Variants in HPSE2 observed in about 807,000 individuals in gnomAD.
The protein encoded by HPSE2 is heparanase 2 (inactive), also known as inactive heparanase-2.
Under a neutral mutation model 60.5 loss-of-function variants are expected in HPSE2, and 38 were observed. That is an observed-to-expected ratio of 0.63 (90% CI 0.48 to 0.82). The LOEUF (loss-of-function observed/expected upper bound fraction) is 0.82, where lower values mean the gene tolerates loss of function less well. Among genes scored for constraint, HPSE2 ranks in the 40% least tolerant of loss-of-function variants. The pLI is 0.00. For missense variants in HPSE2, 713 were observed against 740.4 expected (o/e 0.96, Z 0.43); for synonymous variants, 295 against 293.2 (o/e 1.01, Z -0.06).
At chr10:98,598,703 G>A (rs866717116) in intron 9 of HPSE2, among the ~76,000 whole-genome samples, 76 of 152,052 alleles carry the variant, frequency 5.0e-4, no homozygotes, top group African/African-American at 1.8e-3. Flanking sequence ...GGCCCACAGG[G>A]GCTGGCCTGG....
At chr10:98,465,736 C>G (rs1299155519) in intron 11 of HPSE2, among the ~76,000 whole-genome samples, 1 of 152,166 alleles carries the variant, frequency 6.6e-6, no homozygotes, top group Admixed American at 6.5e-5. Flanking sequence ...CTGAGACCTC[C>G]TAAATGGCTC....
At chr10:98,980,522 G>A (rs2135297507) in intron 3 of HPSE2, among the ~76,000 whole-genome samples, 1 of 152,266 alleles carries the variant, frequency 6.6e-6, no homozygotes, top group South Asian at 2.1e-4. Context: ...GAAAACAGAA[G>A]TGTAGTACAG....
At chr10:98,888,677 C>T (rs1410780654) in intron 3 of HPSE2, among the ~76,000 whole-genome samples, 1 of 152,102 alleles carries the variant, frequency 6.6e-6, no homozygotes, top group Non-Finnish European at 1.5e-5. Flanking sequence ...AACTGGCTGG[C>T]ATAAAGACAC....
intron 3 of HPSE2, among the ~76,000 whole-genome samples, chr10:98,866,726 A>G (rs1952596186): frequency 6.6e-6 from 1 of 151,912 alleles, no homozygotes; most frequent in African/African-American, 2.4e-5. Context: ...CTTAAAGAAT[A>G]AAACAAACAA....
intron 9 of HPSE2, among the ~76,000 whole-genome samples, chr10:98,592,020 T>G (rs1225282642): frequency 6.6e-6 from 1 of 152,164 alleles, no homozygotes; most frequent in Admixed American, 6.5e-5. Flanking sequence ...TTCAAACAGA[T>G]TGTGTCCTTC....
chr10:99,077,232 G>A (rs939084702), intron 3 of HPSE2, among the ~76,000 whole-genome samples: 9 of 152,214 alleles, frequency 5.9e-5, no homozygotes, highest in African/African-American at 1.9e-4. Flanking sequence ...AGGGCTCCTG[G>A]ATCTGGATGT....
At chr10:99,228,011 GA>G (rs1849530431) in intron 2 of HPSE2, among the ~76,000 whole-genome samples, 2 of 151,746 alleles carry the variant, frequency 1.3e-5, no homozygotes, top group Admixed American at 1.3e-4. Flanking sequence ...GATCACTGTG[GA>G]ATGACCTGTT....
At chr10:98,964,707 T>C (rs1168151462) in intron 3 of HPSE2, among the ~76,000 whole-genome samples, 16 of 152,192 alleles carry the variant, frequency 1.1e-4, no homozygotes, top group Non-Finnish European at 1.2e-4. Flanking sequence ...ACCTCTTTTA[T>C]AGTCAACTAT....
chr10:98,494,953 T>C (rs1941780903), intron 9 of HPSE2, among the ~76,000 whole-genome samples: 1 of 152,206 alleles, frequency 6.6e-6, no homozygotes, highest in African/African-American at 2.4e-5. Flanking sequence ...GTATATTTGC[T>C]CATATACTTA....
At chr10:99,054,742 G>T (rs574746759) in intron 3 of HPSE2, among the ~76,000 whole-genome samples, 5 of 152,094 alleles carry the variant, frequency 3.3e-5, no homozygotes, top group Non-Finnish European at 7.4e-5. Flanking sequence ...ACGGAGTCTC[G>T]CACTGTGGCC....
the HPSE2 span, among the ~76,000 whole-genome samples, chr10:99,298,796 T>G: frequency 6.6e-6 from 1 of 151,888 alleles, no homozygotes; most frequent in African/African-American, 2.4e-5. Flanking sequence ...TGCCTTAGCC[T>G]CCTGAGTAGC....
intron 2 of HPSE2, among the ~76,000 whole-genome samples, chr10:99,220,941 T>C (rs1320573772): frequency 1.4e-5 from 2 of 147,864 alleles, no homozygotes; most frequent in Non-Finnish European, 3.0e-5. Flanking sequence ...ACCTCCGAGG[T>C]TCAAGCGATT....
At chr10:98,632,358 A>G (rs506471) in intron 7 of HPSE2, among the ~76,000 whole-genome samples, 48,670 of 151,988 alleles carry the variant, frequency 0.32, 8,597 homozygotes, top group East Asian at 0.44. Context: ...AAACTTGCCT[A>G]CTGTTTACCC....
intron 5 of HPSE2, among the ~76,000 whole-genome samples, chr10:98,704,010 A>G (rs1203866993): frequency 3.3e-5 from 5 of 152,190 alleles, no homozygotes; most frequent in African/African-American, 1.2e-4. Context: ...TTCTGTATTT[A>G]GAAAACCCCA....
chr10:98,779,940 C>T (rs1009554314), intron 3 of HPSE2, among the ~76,000 whole-genome samples: 3 of 152,124 alleles, frequency 2.0e-5, no homozygotes, highest in Non-Finnish European at 4.4e-5. Context: ...AAGAGACTTG[C>T]TAGAGAGCCA....
chr10:99,202,168 A>G, intron 2 of HPSE2, among the ~76,000 whole-genome samples: 1 of 152,378 alleles, frequency 6.6e-6, no homozygotes, highest in South Asian at 2.1e-4. Context: ...AGATAGAGAT[A>G]TCAGTTATAT....
intron 9 of HPSE2, among the ~76,000 whole-genome samples, chr10:98,580,872 T>G (rs1226346691): frequency 3.2e-5 from 4 of 126,796 alleles, no homozygotes; most frequent in Non-Finnish European, 6.4e-5. Context: ...GTGATAAACA[T>G]GATATATATA....
intron 3 of HPSE2, among the ~76,000 whole-genome samples, chr10:98,950,647 T>C (rs1955330136): frequency 6.6e-6 from 1 of 152,190 alleles, no homozygotes; most frequent in African/African-American, 2.4e-5. Context: ...AACAATATAA[T>C]TAATCTGGCA....
At chr10:98,630,774 A>C (rs1946348051) in intron 7 of HPSE2, among the ~76,000 whole-genome samples, 2 of 152,138 alleles carry the variant, frequency 1.3e-5, no homozygotes, top group South Asian at 4.1e-4. Context: ...CTTATAAATA[A>C]ATGAGAGAGA....
Sources: allele counts gnomAD v4.1 joint callset (sites outside exome capture counted in the v4.1 genomes callset), GRCh38; gene constraint gnomAD v4.1.1; transcripts MANE v1.5; gene names NCBI Gene and HGNC (gene_info 2026-07-23, HGNC 2026-07-21).